Variants in DMD observed in about 807,000 individuals in gnomAD.
DMD encodes the protein mutant dystrophin.
A neutral mutation model predicts 330.1 loss-of-function variants in DMD; 63 were observed. The ratio of observed to expected loss-of-function variants is 0.19; its 90% CI spans 0.16 to 0.24. The LOEUF (loss-of-function observed/expected upper bound fraction) is 0.24. DMD is among the 10% of genes least tolerant of loss of function. DMD has a pLI of 1.00. For missense variants in DMD, 3,344 were observed against 2,684.1 expected (o/e 1.25, Z -5.43); for synonymous variants, 1,223 against 959.8 (o/e 1.27, Z -5.07).
intron 7 of DMD, among the ~76,000 whole-genome samples, chrX:32,800,374 TC>T (rs1241873101): frequency 9.0e-6 from 1 of 111,005 alleles, no homozygotes; most frequent in African/African-American, 3.3e-5. Context: ...AAATAAAAAT[TC>T]TTATGAGTTA....
intron 30 of DMD, among the ~76,000 whole-genome samples, chrX:32,402,870 T>A (rs757587814): frequency 9.0e-6 from 1 of 111,517 alleles, no homozygotes; most frequent in Non-Finnish European, 1.9e-5. Flanking sequence ...ATTTCTAAAT[T>A]TTATCTTTCT....
intron 2 of DMD, among the ~76,000 whole-genome samples, chrX:32,867,059 C>A (rs2082571931): frequency 9.0e-6 from 1 of 111,113 alleles, no homozygotes; most frequent in African/African-American, 3.3e-5. Context: ...CTAAAGCTAC[C>A]TTTCGTAAGA....
chrX:32,230,230 TTTTG>T (rs758912182), intron 43 of DMD, among the ~76,000 whole-genome samples: 366 of 105,665 alleles, frequency 3.5e-3, no homozygotes, highest in African/African-American at 0.013. Context: ...ACATGGTTTT[TTTTG>T]TTTTGTTTTG....
chrX:32,998,368 C>CAAA (rs35708010), intron 2 of DMD, among the ~76,000 whole-genome samples: 15 of 34,680 alleles, frequency 4.3e-4, no homozygotes, highest in Non-Finnish European at 6.6e-4. Flanking sequence ...GACCCAGTGT[C>CAAA]AAAAAAAAAA....
intron 45 of DMD, among the ~76,000 whole-genome samples, chrX:31,957,364 A>G (rs62587705): frequency 0.34 from 37,249 of 111,053 alleles, 4,661 homozygotes; most frequent in East Asian, 0.54. Context: ...ATGTCTGAAT[A>G]TATTTATATT....
intron 69 of DMD, among the ~76,000 whole-genome samples, chrX:31,179,587 C>T: frequency 8.9e-6 from 1 of 112,015 alleles, no homozygotes; most frequent in East Asian, 2.8e-4. Flanking sequence ...GCTCTACAGT[C>T]AACAGGGACA....
At chrX:32,847,395 C>T (rs907912338) in intron 3 of DMD, among the ~76,000 whole-genome samples, 1 of 111,925 alleles carries the variant, frequency 8.9e-6, no homozygotes, top group African/African-American at 3.2e-5. Flanking sequence ...AAGTACCTTC[C>T]TTTTAACCCT....
intron 44 of DMD, among the ~76,000 whole-genome samples, chrX:32,142,541 A>G (rs1346499455): frequency 1.8e-5 from 2 of 112,379 alleles, no homozygotes; most frequent in Non-Finnish European, 3.8e-5. Context: ...AACACAGGAC[A>G]TTATAATTTT....
intron 9 of DMD, among the ~76,000 whole-genome samples, chrX:32,693,928 A>C (rs763608818): frequency 3.6e-5 from 4 of 111,953 alleles, no homozygotes; most frequent in African/African-American, 1.3e-4. Context: ...GGAAAGTTTT[A>C]AGAGTGAATA....
chrX:31,856,952 A>G (rs113627465), intron 48 of DMD, among the ~76,000 whole-genome samples: 6,859 of 112,097 alleles, frequency 0.061, 528 homozygotes, highest in African/African-American at 0.21. Flanking sequence ...CAAATCTTAA[A>G]AATTAAAAGT....
chrX:32,860,421 A>G (rs2081987734), intron 2 of DMD, among the ~76,000 whole-genome samples: 1 of 112,007 alleles, frequency 8.9e-6, no homozygotes, highest in African/African-American at 3.2e-5. Context: ...ATACTTCTGC[A>G]ATTACAAATC....
intron 1 of DMD, among the ~76,000 whole-genome samples, chrX:33,309,112 T>G: frequency 9.0e-6 from 1 of 111,611 alleles, no homozygotes; most frequent in East Asian, 2.8e-4. Flanking sequence ...CAAGTCAGAC[T>G]TTTTAATATT....
At chrX:31,475,016 G>C (rs1327682409) in intron 59 of DMD, among the ~76,000 whole-genome samples, 1 of 111,136 alleles carries the variant, frequency 9.0e-6, no homozygotes, top group Non-Finnish European at 1.9e-5. Context: ...ACCGAAGGGA[G>C]ATAAATATAT....
rs747779029 is a variant in DMD at position 31,796,590 on chromosome X, T to C, written c.7310-22398A>G. Among the ~76,000 whole-genome samples, 3 of 112,349 alleles carry C rather than the reference T, an allele frequency of 2.7e-5. No individual in the cohort carries two copies. In the South Asian group the frequency reaches 1.1e-3, roughly 42 times the overall value. On this transcript the variant is annotated intron_variant, in intron 50 of 78. Coordinates refer to ENST00000357033, the MANE Select transcript of DMD (RefSeq NM_004006.3). The stretch of plus-strand genomic sequence containing the variant: ...AGAAGCCTGAACTAGAGATAATCAT[T>C]GGCATAGTTTCAGTAGTCTTAATCT...
chrX:32,863,810 T>C (rs113165492), intron 2 of DMD, among the ~76,000 whole-genome samples: 26 of 112,034 alleles, frequency 2.3e-4, no homozygotes, highest in African/African-American at 8.4e-4. Flanking sequence ...ATGGACAATA[T>C]AGGTGACAAG....
At chrX:31,640,349 C>CT (rs1437735187) in intron 54 of DMD, among the ~76,000 whole-genome samples, 1 of 112,319 alleles carries the variant, frequency 8.9e-6, no homozygotes, top group African/African-American at 3.2e-5. Context: ...AGCAAATCAG[C>CT]TTTTTAACTT....
In DMD at chrX:32,891,968, T is replaced by C. The variant is rs781687239; in HGVS notation, c.94-42148A>G. On this transcript the variant is annotated intron_variant, in intron 2 of 78. Coordinates refer to ENST00000357033, the MANE Select transcript of DMD (RefSeq NM_004006.3). ...TGCCTGCATATGCCAATGAACAGTA[T>C]AGCCACGTGACACAGAAATGAAGGC... Among the ~76,000 whole-genome samples, 9 of 111,351 alleles carry C rather than the reference T, an allele frequency of 8.1e-5. No individual in the cohort carries two copies. In the South Asian group the frequency reaches 1.1e-3, roughly 14 times the overall value.
At chrX:32,404,124 T>C (rs2098103469) in intron 30 of DMD, among the ~76,000 whole-genome samples, 1 of 112,508 alleles carries the variant, frequency 8.9e-6, no homozygotes, top group South Asian at 3.6e-4. Flanking sequence ...ATATTTAATG[T>C]GAGTTATAAG....
At chrX:32,671,656 C>A (rs1343696848) in intron 9 of DMD, among the ~76,000 whole-genome samples, 1 of 111,790 alleles carries the variant, frequency 8.9e-6, no homozygotes, top group Non-Finnish European at 1.9e-5. Flanking sequence ...TCAGGTTGAC[C>A]TGGGAGGCTC....
Sources: gnomAD v4.1 joint callset for allele counts (sites outside exome capture counted in the v4.1 genomes callset) on GRCh38, gnomAD v4.1.1 for gene constraint, MANE v1.5 for transcripts, NCBI Gene and HGNC (gene_info 2026-07-23, HGNC 2026-07-21) for gene names.